AMOTL1: variants seen among roughly 807,000 people sequenced by gnomAD.
AMOTL1 encodes angiomotin-like protein 1.
Under a neutral mutation model 102.9 loss-of-function variants are expected in AMOTL1, and 45 were observed. The observed-to-expected ratio is 0.44, with a 90% CI of 0.34 to 0.56. The LOEUF is 0.56. Among genes scored for constraint, AMOTL1 ranks in the 20% least tolerant of loss-of-function variants. The probability of loss-of-function intolerance (pLI) is 0.01; values close to 1 mark genes in which losing one functional copy is unlikely to be tolerated. For synonymous variants in AMOTL1, 481 were observed against 484.7 expected, an observed-to-expected ratio of 0.99 and a Z score of 0.10; for missense variants, 1,114 against 1,225.6, an observed-to-expected ratio of 0.91 and a Z score of 1.36.
rs1372544645 is a variant in AMOTL1 at position 94,795,130 on chromosome 11, G to A, written c.169G>A (p.Glu57Lys). ...GCATGAAACATCTGCTTTGACGGTG[G>A]AGGCAACCAGTAGCATCAGGGAAAA... ...GRHETSALTV[E>K]ATSSIREKVV... is the part of the protein sequence containing the mutation. The change falls in exon 2 of 13, where the codon GAG (glutamate) becomes AAG (lysine). Residue 57 changes from glutamate to lysine, a missense_variant. By Grantham distance (56) the Glu-to-Lys change is moderately conservative. Coordinates refer to ENST00000433060, the MANE Select transcript of AMOTL1 (RefSeq NM_130847.3). The A allele has an allele frequency of 3.1e-6, 5 of 1,613,754 alleles. No homozygotes were observed. The highest frequency in any genetic ancestry group is 4.2e-6 in the Non-Finnish European group (5 of 1,179,842).
intron 1 of AMOTL1, among the ~76,000 whole-genome samples, chr11:94,726,175 G>A (rs79903698): frequency 6.6e-6 from 1 of 152,172 alleles, no homozygotes; most frequent in Non-Finnish European, 1.5e-5. Context: ...TAAAAGAAGA[G>A]GCTGTGTCAG....
intron 2 of AMOTL1, chr11:94,740,890 C>T: frequency 7.8e-7 from 1 of 1,282,186 alleles, no homozygotes. Flanking sequence ...GCGGGTTCGT[C>T]CTGAATGGTA....
chr11:94,866,879 A>G (rs1217931674), intron 11 of AMOTL1: 1 of 152,528 alleles, frequency 6.6e-6, no homozygotes, highest in Admixed American at 6.5e-5. Context: ...AGAATTCCCT[A>G]AGTGTGGTCT....
At chr11:94,807,226 A>G (rs1591985960) in intron 3 of AMOTL1, among the ~76,000 whole-genome samples, 2 of 152,320 alleles carry the variant, frequency 1.3e-5, no homozygotes, top group African/African-American at 4.8e-5. Context: ...TCTGTTCACT[A>G]TGTTGCTTCA....
intron 1 of AMOTL1, among the ~76,000 whole-genome samples, chr11:94,779,673 G>C (rs1005051909): frequency 5.9e-5 from 9 of 152,080 alleles, no homozygotes; most frequent in Admixed American, 5.9e-4. Context: ...AACACCCACA[G>C]AATAGGACAG....
rs969625739 is a variant in AMOTL1 at position 94,871,613 on chromosome 11, C to A, written c.*818C>A. 1 of 152,110 alleles carries A rather than the reference C, an allele frequency of 6.6e-6. No homozygotes were observed. The highest frequency in any genetic ancestry group is 1.5e-5 in the Non-Finnish European group (1 of 68,044). The allele number at this position is 152,110 out of a possible 1,614,324, so 9.4% of individuals were successfully genotyped here. The stretch of plus-strand genomic sequence containing the variant: ...TCATTCCTACTGTGTTTGATAGTGA[C>A]CAGTAGGACAAAGCCACGTGCCGAC... On this transcript the variant is annotated 3_prime_UTR_variant, in exon 13 of 13. Coordinates refer to ENST00000433060, the MANE Select transcript of AMOTL1 (RefSeq NM_130847.3).
At chr11:94,840,654 GTATATATATA>G (rs551220386) in intron 6 of AMOTL1, among the ~76,000 whole-genome samples, 5 of 111,284 alleles carry the variant, frequency 4.5e-5, no homozygotes, top group Middle Eastern at 4.6e-3. Context: ...CTTAAAAAAC[GTATATATATA>G]TATATATATA....
intron 3 of AMOTL1, among the ~76,000 whole-genome samples, chr11:94,803,048 G>A (rs1433960317): frequency 6.6e-6 from 1 of 152,232 alleles, no homozygotes. Flanking sequence ...CTCTGATGGA[G>A]ATCATGGAGT....
rs566969889 is a variant in AMOTL1, at chr11:94,747,278, G to A, written c.136+6290G>A. On this transcript the variant is annotated intron_variant, in intron 3 of 4. Coordinates refer to the AMOTL1 transcript ENST00000299004. Reference sequence around the variant, plus strand: ...CTTTCATAATTTGTTGCCCTTTGGGGTTGCTTGACCCTCTGGCATGCCTCA... The same window carrying A: ...CTTTCATAATTTGTTGCCCTTTGGGATTGCTTGACCCTCTGGCATGCCTCA... Among the ~76,000 whole-genome samples, 51 of 152,196 alleles carry A rather than the reference G, an allele frequency of 3.4e-4. No individual in the cohort carries two copies. In the South Asian group the frequency reaches 0.011, roughly 32 times the overall value.
At chr11:94,855,876 T>C (rs1296186794) in intron 8 of AMOTL1, among the ~76,000 whole-genome samples, 4 of 152,098 alleles carry the variant, frequency 2.6e-5, no homozygotes, top group Non-Finnish European at 4.4e-5. Context: ...GGAGTGCCAG[T>C]AGGGGACAGA....
chr11:94,820,013 A>T (rs1951835881), intron 3 of AMOTL1, among the ~76,000 whole-genome samples: 1 of 152,154 alleles, frequency 6.6e-6, no homozygotes, highest in African/African-American at 2.4e-5. Flanking sequence ...GGACACCCTT[A>T]TGTGTTCTTT....
In AMOTL1 at chr11:94,799,771, C is replaced by T; in HGVS notation, c.581C>T (p.Ala194Val). 1 of 1,607,268 alleles carries T rather than the reference C, an allele frequency of 6.2e-7. No homozygotes were observed. The highest frequency in any genetic ancestry group is 8.5e-7 in the Non-Finnish European group (1 of 1,176,194). Residue 194 changes from alanine (A) to valine (V), a missense_variant, in exon 3 of 13, where the codon GCC (alanine) becomes GTC (valine). Coordinates refer to ENST00000433060, the MANE Select transcript of AMOTL1 (RefSeq NM_130847.3). The surrounding 1 kb of genome is among the most constrained non-coding windows in gnomAD (Gnocchi z 4.5). ...NNEELPTYEE[A>V]KAQSQFFRGQ... ...GAGGAACTGCCCACTTACGAGGAGG[C>T]CAAAGCACAGTCGCAGTTCTTCAGG...
In AMOTL1 at chr11:94,859,719, A is replaced by AACT; in HGVS notation, c.2135+4_2135+5insACT. 6.2e-7 allele frequency: 1 copy of AACT among 1,600,056 alleles called. No homozygotes were observed. Among genetic ancestry groups the AACT allele is most frequent in the Non-Finnish European group, 8.5e-7 (1 of 1,171,982 alleles). ...CAGCCACTGCAGCAGCTGAGAGGTG[A>AACT]GACCAGTGGAACTCTGGTGGTCATA... On this transcript the variant is annotated splice_donor_region_variant and intron_variant, in intron 9 of 12. Coordinates refer to ENST00000433060, the MANE Select transcript of AMOTL1 (RefSeq NM_130847.3).
chr11:94,841,169 G>A (rs1182134522), intron 6 of AMOTL1, among the ~76,000 whole-genome samples: 1 of 152,122 alleles, frequency 6.6e-6, no homozygotes, highest in Non-Finnish European at 1.5e-5. Context: ...GGCCAGTCAC[G>A]GTGGCTCACA....
At chr11:94,765,992 A>G (rs1194483764), upstream of AMOTL1, among the ~76,000 whole-genome samples, 2 of 152,152 alleles carry the variant, frequency 1.3e-5, no homozygotes, top group Non-Finnish European at 2.9e-5. Flanking sequence ...TTCATCTGTC[A>G]TTGGTCTAAT....
rs1248783662 is a variant in AMOTL1 at position 94,859,717 on chromosome 11, T to C, written c.2135+2T>C. 6.2e-7 allele frequency: 1 copy of C among 1,602,268 alleles called. No homozygotes were observed. Among genetic ancestry groups the C allele is most frequent in the Non-Finnish European group, 8.5e-7 (1 of 1,173,426 alleles). ...CGCAGCCACTGCAGCAGCTGAGAGG[T>C]GAGACCAGTGGAACTCTGGTGGTCA... is the stretch of plus-strand genomic sequence containing the variant. On this transcript the variant is annotated splice_donor_variant, in intron 9 of 12. Transcript: ENST00000433060. LOFTEE classifies it high-confidence loss of function.
At position 94,869,310 on chromosome 11, in the gene AMOTL1, C is replaced by T. The variant is rs147218652; in HGVS notation, c.2601C>T (p.His867=). The change falls in exon 12 of 13, where the codon CAC becomes CAT. Residue 867 remains histidine (H), a synonymous_variant. Coordinates refer to ENST00000433060, the MANE Select transcript of AMOTL1 (RefSeq NM_130847.3). ...CCACTACGGCAGCCAGCAGTGCCCA[C>T]GCCAAGACAGGCAGCAAGGACAGCA... ...IASTTAASSA[H]AKTGSKDSST... 1,956 of 1,612,872 alleles carry T rather than the reference C, an allele frequency of 1.2e-3. 8 individuals are homozygous for T. Among genetic ancestry groups the T allele is most frequent in the Non-Finnish European group, 1.5e-3 (1,749 of 1,179,478 alleles).
chr11:94,747,673 G>A (rs1950605692), intron 3 of AMOTL1, among the ~76,000 whole-genome samples: 1 of 152,164 alleles, frequency 6.6e-6, no homozygotes, highest in Non-Finnish European at 1.5e-5. Context: ...CTTAACACAA[G>A]GAAGACTGCG....
rs142240073 is a variant in AMOTL1, at chr11:94,739,482, T to C, written c.86-1456T>C. Among the ~76,000 whole-genome samples, 843 of 152,268 alleles carry C rather than the reference T, an allele frequency of 5.5e-3. 3 individuals are homozygous for C. The highest frequency in any genetic ancestry group is 9.0e-3 in the Non-Finnish European group (614 of 68,004). ...GGCCGAAGGGGCTTTCTGTCCTTCA[T>C]GGTGATTTGTAAACCAAAAACTGAC... On this transcript the variant is annotated intron_variant, in intron 2 of 4. Coordinates refer to the AMOTL1 transcript ENST00000299004.
Sources: allele counts gnomAD v4.1 joint callset (sites outside exome capture counted in the v4.1 genomes callset), GRCh38; gene constraint gnomAD v4.1.1; non-coding constraint Gnocchi (gnomAD v3.1); transcripts MANE v1.5; gene names NCBI Gene and HGNC (gene_info 2026-07-23, HGNC 2026-07-21).